GRIN2B: variants seen among roughly 807,000 people sequenced by gnomAD.
The protein encoded by GRIN2B is glutamate ionotropic receptor NMDA type subunit 2B, also known as glutamate receptor ionotropic, NMDA 2B.
Under a neutral mutation model 114.5 loss-of-function variants are expected in GRIN2B, and 5 were observed. The ratio of observed to expected loss-of-function variants is 0.04; its 90% CI spans 0.02 to 0.09. The LOEUF (loss-of-function observed/expected upper bound fraction) is 0.09. GRIN2B is among the 10% of genes least tolerant of loss of function. The probability of loss-of-function intolerance (pLI) is 1.00; values close to 1 mark genes in which losing one functional copy is unlikely to be tolerated. For synonymous variants in GRIN2B, 787 were observed against 745.1 expected (o/e 1.06, Z -0.92); for missense variants, 1,108 against 1,943.5 (o/e 0.57, Z 8.08).
At chr12:13,877,621 A>T (rs958997416) in intron 2 of GRIN2B, among the ~76,000 whole-genome samples, 4 of 152,186 alleles carry the variant, frequency 2.6e-5, no homozygotes, top group African/African-American at 9.7e-5. Context: ...ACACAGACTG[A>T]GGAAATTGTT....
intron 10 of GRIN2B, among the ~76,000 whole-genome samples, chr12:13,589,819 A>C (rs1948981538): frequency 6.6e-6 from 1 of 152,170 alleles, no homozygotes; most frequent in African/African-American, 2.4e-5. Flanking sequence ...GGAATGGAGA[A>C]GAGGAGCTTC....
In GRIN2B at chr12:13,556,138, A is replaced by G. The variant is rs75446909; in HGVS notation, c.*6645T>C. ...AAAGGCAAGGTTGTGGTTAGAGAGGAAATCCCAGAGTTTTAGCTCTGGGAG... is the reference window on the plus strand; with the variant it reads ...AAAGGCAAGGTTGTGGTTAGAGAGGGAATCCCAGAGTTTTAGCTCTGGGAG... On this transcript the variant is annotated 3_prime_UTR_variant, in exon 14 of 14. Coordinates refer to ENST00000609686, the MANE Select transcript of GRIN2B (RefSeq NM_000834.5). 2.6e-5 allele frequency: 4 copies of G among 152,186 alleles called. No homozygotes were observed. Among genetic ancestry groups the G allele is most frequent in the Non-Finnish European group, 5.9e-5 (4 of 68,036 alleles). The allele number at this position is 152,186 out of a possible 1,614,324, so 9.4% of individuals were successfully genotyped here. A position where few individuals can be genotyped will look rare whatever the true frequency, so the allele number is the denominator to read the frequency against.
At chr12:13,901,982 G>T (rs73057673) in intron 2 of GRIN2B, among the ~76,000 whole-genome samples, 15,504 of 151,954 alleles carry the variant, frequency 0.1, 1,036 homozygotes, top group Middle Eastern at 0.21. Context: ...AATCTGCCAT[G>T]CCCTTCTATT....
chr12:13,656,473 T>G (rs766918692), intron 5 of GRIN2B, among the ~76,000 whole-genome samples: 4 of 152,164 alleles, frequency 2.6e-5, no homozygotes, highest in Non-Finnish European at 5.9e-5. Context: ...GAGACACAAA[T>G]AAGTCAACTG....
intron 4 of GRIN2B, among the ~76,000 whole-genome samples, chr12:13,720,765 G>A (rs1950500954): frequency 6.6e-6 from 1 of 151,910 alleles, no homozygotes; most frequent in South Asian, 2.1e-4. Context: ...CTGTTTTAAG[G>A]GGCAAGACTA....
intron 2 of GRIN2B, among the ~76,000 whole-genome samples, chr12:13,940,793 C>G (rs1376750919): frequency 1.3e-5 from 2 of 152,116 alleles, no homozygotes; most frequent in Non-Finnish European, 2.9e-5. Flanking sequence ...ATAAGCCATT[C>G]TGTAACGGAT....
chr12:13,707,312 C>T (rs2136575789), intron 4 of GRIN2B, among the ~76,000 whole-genome samples: 1 of 152,184 alleles, frequency 6.6e-6, no homozygotes, highest in Non-Finnish European at 1.5e-5. Flanking sequence ...AAGTAGGTCT[C>T]CTGCAACTCT....
chr12:13,642,032 A>G (rs1388230331), intron 5 of GRIN2B, among the ~76,000 whole-genome samples: 1 of 152,120 alleles, frequency 6.6e-6, no homozygotes, highest in East Asian at 1.9e-4. Flanking sequence ...TATTAAAAAT[A>G]CAAAAAATTA....
At chr12:13,741,088 T>C (rs1863276219) in intron 4 of GRIN2B, among the ~76,000 whole-genome samples, 1 of 152,250 alleles carries the variant, frequency 6.6e-6, no homozygotes, top group Non-Finnish European at 1.5e-5. Context: ...GTGAGTGCAG[T>C]GGTGTGATCT....
intron 3 of GRIN2B, among the ~76,000 whole-genome samples, chr12:13,771,562 A>G (rs1037282104): frequency 1.3e-5 from 2 of 152,188 alleles, no homozygotes; most frequent in African/African-American, 4.8e-5. Flanking sequence ...TTGAAAGGTT[A>G]TTTACCATAT....
chr12:13,756,312 C>A (rs918375878), intron 3 of GRIN2B, among the ~76,000 whole-genome samples: 1 of 152,188 alleles, frequency 6.6e-6, no homozygotes, highest in East Asian at 1.9e-4. Flanking sequence ...CTGCGCCCAT[C>A]CAAATTTCTG....
In GRIN2B at chr12:13,544,353, C is replaced by T. The variant is rs539956481; in HGVS notation, c.*18430G>A. On this transcript the variant is annotated 3_prime_UTR_variant, in exon 14 of 14. Transcript: ENST00000609686. The stretch of plus-strand genomic sequence containing the variant: ...TCCCATTGCTGGTCCCTTCTCATCT[C>T]CTGGAGCTTTGAACAATCCTCCACC... The T allele has an allele frequency of 6.6e-6, 1 of 152,438 alleles. No homozygotes were observed. The highest frequency in any genetic ancestry group is 6.5e-5 in the Admixed American group (1 of 15,300). 9.4% of individuals were successfully genotyped at this position (152,438 alleles called of 1,614,324 possible).
chr12:13,825,690 T>C (rs899044082), intron 3 of GRIN2B, among the ~76,000 whole-genome samples: 1 of 151,748 alleles, frequency 6.6e-6, no homozygotes, highest in Non-Finnish European at 1.5e-5. Flanking sequence ...CTAATTTTTG[T>C]GTTTTTAGTA....
At chr12:13,825,496 T>TGTGTG (rs1555144019) in intron 3 of GRIN2B, among the ~76,000 whole-genome samples, 6 of 122,994 alleles carry the variant, frequency 4.9e-5, no homozygotes, top group Admixed American at 9.1e-5. Context: ...TATATATATT[T>TGTGTG]TGTGTGTGTG....
chr12:13,900,043 T>G (rs1349608883), intron 2 of GRIN2B, among the ~76,000 whole-genome samples: 1 of 152,198 alleles, frequency 6.6e-6, no homozygotes, highest in Non-Finnish European at 1.5e-5. Context: ...ATCTTTCTCT[T>G]TCTCTATTTG....
At chr12:13,731,336 A>G (rs1377140611) in intron 4 of GRIN2B, among the ~76,000 whole-genome samples, 1 of 152,136 alleles carries the variant, frequency 6.6e-6, no homozygotes, top group African/African-American at 2.4e-5. Flanking sequence ...AAAAGCCATC[A>G]CACCTGTAAT....
At chr12:13,821,819 G>T (rs1864943703) in intron 3 of GRIN2B, among the ~76,000 whole-genome samples, 1 of 152,120 alleles carries the variant, frequency 6.6e-6, no homozygotes, top group Non-Finnish European at 1.5e-5. Flanking sequence ...TTCTATCCAG[G>T]ACCAGAAGTT....
intron 2 of GRIN2B, among the ~76,000 whole-genome samples, chr12:13,968,814 A>T (rs1867831261): frequency 1.3e-5 from 2 of 152,220 alleles, no homozygotes; most frequent in Admixed American, 6.5e-5. Flanking sequence ...AGTAAAATCC[A>T]AGCACAAAGC....
chr12:13,813,877 G>A (rs528297134), intron 3 of GRIN2B, among the ~76,000 whole-genome samples: 1 of 152,224 alleles, frequency 6.6e-6, no homozygotes, highest in Non-Finnish European at 1.5e-5. Flanking sequence ...TTTTCATTAA[G>A]TTGAACAGCC....
Sources: allele counts gnomAD v4.1 joint callset (sites outside exome capture counted in the v4.1 genomes callset), GRCh38; gene constraint gnomAD v4.1.1; transcripts MANE v1.5; gene names NCBI Gene and HGNC (gene_info 2026-07-23, HGNC 2026-07-21).